The following TMEM267 variants were observed in gnomAD, a reference collection of about 807,000 sequenced individuals.
TMEM267 encodes transmembrane protein 267.
In TMEM267, 20 loss-of-function variants were observed where a neutral mutation model predicts 19.3. That is an observed-to-expected ratio of 1.04 (90% CI 0.73 to 1.51). The LOEUF (loss-of-function observed/expected upper bound fraction) is 1.51, where lower values mean the gene tolerates loss of function less well. Ranked by LOEUF, TMEM267 falls within the 40% of genes most tolerant of loss-of-function variation. The probability of loss-of-function intolerance (pLI) is 0.00; values close to 1 mark genes in which losing one functional copy is unlikely to be tolerated. For missense variants in TMEM267, 242 were observed against 261.9 expected (o/e 0.92, Z 0.52); for synonymous variants, 88 against 90.3 (o/e 0.97, Z 0.15).
intron 1 of TMEM267, among the ~76,000 whole-genome samples, chr5:43,480,214 C>T (rs1297077170): frequency 1.3e-5 from 2 of 152,102 alleles, no homozygotes; most frequent in East Asian, 3.8e-4. Flanking sequence ...GAAAGAAGGC[C>T]ATTCAGGTAT....
At chr5:43,449,101 A>C (rs909269068) in intron 2 of TMEM267, among the ~76,000 whole-genome samples, 1 of 151,780 alleles carries the variant, frequency 6.6e-6, no homozygotes, top group Non-Finnish European at 1.5e-5. Context: ...AATAAGGCAC[A>C]CTGAAAAAAT....
intron 1 of TMEM267, among the ~76,000 whole-genome samples, chr5:43,458,209 C>T (rs887293139): frequency 1.6e-4 from 25 of 152,180 alleles, no homozygotes; most frequent in African/African-American, 5.3e-4. Flanking sequence ...CATGAGATCC[C>T]CCTGCCTCAG....
intron 1 of TMEM267, among the ~76,000 whole-genome samples, chr5:43,467,897 C>A (rs1020816205): frequency 6.6e-6 from 1 of 152,136 alleles, no homozygotes; most frequent in African/African-American, 2.4e-5. Flanking sequence ...ACCTGGAAGC[C>A]CTCAGTTGGG....
At chr5:43,452,602 A>AC (rs1742674204) in intron 2 of TMEM267, among the ~76,000 whole-genome samples, 1 of 151,248 alleles carries the variant, frequency 6.6e-6, no homozygotes, top group South Asian at 2.1e-4. Flanking sequence ...AAAAAAAAAA[A>AC]CTGAAGAAAA....
At chr5:43,483,970 G>A (rs1478499284), upstream of TMEM267, 1 of 152,266 alleles carries the variant, frequency 6.6e-6, no homozygotes, top group African/African-American at 2.4e-5. Flanking sequence ...GCTCCAAGTC[G>A]AAAGGAAGCG....
At chr5:43,472,034 T>A (rs1744111013) in intron 1 of TMEM267, among the ~76,000 whole-genome samples, 1 of 151,992 alleles carries the variant, frequency 6.6e-6, no homozygotes, top group African/African-American at 2.4e-5. Context: ...TATTTGCAAA[T>A]TACCCATCTG....
intron 2 of TMEM267, among the ~76,000 whole-genome samples, chr5:43,448,027 A>G (rs1034444379): frequency 1.3e-5 from 2 of 152,198 alleles, no homozygotes; most frequent in African/African-American, 2.4e-5. Context: ...TTTCCTGTCC[A>G]AAAAACACAA....
intron 1 of TMEM267, among the ~76,000 whole-genome samples, chr5:43,458,195 G>A (rs193223301): frequency 5.9e-4 from 89 of 152,126 alleles, no homozygotes; most frequent in African/African-American, 2.1e-3. Context: ...CTATGTCCTG[G>A]GCTCATGAGA....
At chr5:43,465,115 A>T (rs1743564632) in intron 1 of TMEM267, among the ~76,000 whole-genome samples, 1 of 152,214 alleles carries the variant, frequency 6.6e-6, no homozygotes, top group African/African-American at 2.4e-5. Flanking sequence ...TACAAGAAAA[A>T]AACAAACAAC....
chr5:43,469,830 A>C (rs1050904012), intron 1 of TMEM267, among the ~76,000 whole-genome samples: 4 of 152,206 alleles, frequency 2.6e-5, no homozygotes, highest in African/African-American at 9.7e-5. Context: ...TTCCTTGCGG[A>C]TCTCAAGATC....
At chr5:43,455,019 C>G (rs1358439753) in intron 1 of TMEM267, among the ~76,000 whole-genome samples, 1 of 152,094 alleles carries the variant, frequency 6.6e-6, no homozygotes, top group Non-Finnish European at 1.5e-5. Flanking sequence ...CTATACATAG[C>G]TCATTATATA....
intron 1 of TMEM267, among the ~76,000 whole-genome samples, chr5:43,472,404 T>C (rs757896103): frequency 3.3e-5 from 5 of 152,002 alleles, no homozygotes; most frequent in Admixed American, 6.6e-5. Context: ...AAACTAAAAA[T>C]TGAACTACCA....
intron 2 of TMEM267, among the ~76,000 whole-genome samples, chr5:43,451,029 G>T (rs1742557366): frequency 6.6e-6 from 1 of 151,894 alleles, no homozygotes; most frequent in Non-Finnish European, 1.5e-5. Context: ...AGTAGAGACG[G>T]GATTTCACCA....
chr5:43,481,429 T>C (rs1327993495), intron 1 of TMEM267, among the ~76,000 whole-genome samples: 1 of 151,882 alleles, frequency 6.6e-6, no homozygotes, highest in African/African-American at 2.4e-5. Context: ...ACATGATGAG[T>C]TCAGATTTTA....
At chr5:43,467,447 C>T (rs1002323004) in intron 1 of TMEM267, among the ~76,000 whole-genome samples, 1 of 152,076 alleles carries the variant, frequency 6.6e-6, no homozygotes, top group African/African-American at 2.4e-5. Flanking sequence ...TATACCTATA[C>T]TGAACAAAAT....
At chr5:43,454,308 A>T (rs532443183) in intron 1 of TMEM267, 19 of 203,678 alleles carry the variant, frequency 9.3e-5, no homozygotes, top group African/African-American at 4.0e-4. Flanking sequence ...CTTTAAGGTC[A>T]TCAAATAGAT....
At chr5:43,463,173 A>G (rs1743383449) in intron 1 of TMEM267, among the ~76,000 whole-genome samples, 1 of 152,256 alleles carries the variant, frequency 6.6e-6, no homozygotes, top group African/African-American at 2.4e-5. Flanking sequence ...CTATGCAAAT[A>G]AACTAGAAAA....
chr5:43,447,478 T>C (rs1178051905), intron 2 of TMEM267, among the ~76,000 whole-genome samples: 1 of 152,194 alleles, frequency 6.6e-6, no homozygotes, highest in African/African-American at 2.4e-5. Context: ...GAATGATTCA[T>C]GAGTAGGGTT....
At chr5:43,474,990 C>T (rs999044076) in intron 1 of TMEM267, among the ~76,000 whole-genome samples, 3 of 152,136 alleles carry the variant, frequency 2.0e-5, no homozygotes, top group Admixed American at 6.5e-5. Flanking sequence ...GGATCTAGAA[C>T]TAGAAATACC....
Sources: allele counts gnomAD v4.1 joint callset (sites outside exome capture counted in the v4.1 genomes callset), GRCh38; gene constraint gnomAD v4.1.1; transcripts MANE v1.5; gene names NCBI Gene and HGNC (gene_info 2026-07-23, HGNC 2026-07-21).